SCHIP1: variants seen among roughly 807,000 people sequenced by gnomAD.
SCHIP1 encodes the protein schwannomin interacting protein 1, also known as schwannomin-interacting protein 1.
Under a neutral mutation model 29.7 loss-of-function variants are expected in SCHIP1, and 8 were observed. The observed-to-expected ratio is 0.27, with a 90% CI of 0.16 to 0.49. The LOEUF is 0.49. Ranked by LOEUF, SCHIP1 falls within the 20% of genes least tolerant of loss-of-function variation. The pLI is 0.99. For missense variants in SCHIP1, 193 were observed against 294.6 expected (o/e 0.66, Z 2.52); for synonymous variants, 76 against 94.9 (o/e 0.80, Z 1.16).
chr3:159,736,904 T>G, the SCHIP1 span, among the ~76,000 whole-genome samples: 2 of 151,784 alleles, frequency 1.3e-5, no homozygotes, highest in Non-Finnish European at 2.9e-5. Context: ...CCGGCTAATT[T>G]TTTGTATTTT....
chr3:159,527,225 T>G, the SCHIP1 span, among the ~76,000 whole-genome samples: 3 of 152,202 alleles, frequency 2.0e-5, no homozygotes, highest in Admixed American at 2.0e-4. Context: ...TATCAAAATC[T>G]TAATCCTTCT....
the SCHIP1 span, among the ~76,000 whole-genome samples, chr3:159,539,935 G>A: frequency 6.6e-6 from 1 of 152,054 alleles, no homozygotes; most frequent in Admixed American, 6.6e-5. Context: ...TTATTTTAGA[G>A]ACATGAGAAT....
the SCHIP1 span, among the ~76,000 whole-genome samples, chr3:159,376,869 C>G: frequency 6.6e-6 from 1 of 152,180 alleles, no homozygotes; most frequent in African/African-American, 2.4e-5. Flanking sequence ...GAAAAGCACG[C>G]TTTATAAGAA....
At chr3:159,668,429 TGTATAATACACA>T in the SCHIP1 span, among the ~76,000 whole-genome samples, 1 of 146,380 alleles carries the variant, frequency 6.8e-6, no homozygotes, top group Non-Finnish European at 1.5e-5. Context: ...GAGTCCCACA[TGTATAATACACA>T]GTAGGCATTC....
the SCHIP1 span, among the ~76,000 whole-genome samples, chr3:159,505,005 G>C: frequency 5.6e-4 from 86 of 152,268 alleles, no homozygotes; most frequent in African/African-American, 1.7e-3. Flanking sequence ...GATGAGGAGA[G>C]AGCAAAGAGT....
the SCHIP1 span, among the ~76,000 whole-genome samples, chr3:159,426,363 T>C: frequency 6.6e-6 from 1 of 152,018 alleles, no homozygotes; most frequent in Non-Finnish European, 1.5e-5. Flanking sequence ...TCACCACCGA[T>C]CCCACAGACA....
At chr3:159,691,934 C>A in the SCHIP1 span, among the ~76,000 whole-genome samples, 1 of 151,262 alleles carries the variant, frequency 6.6e-6, no homozygotes, top group South Asian at 2.1e-4. Context: ...GGCCTCCACT[C>A]TCTTCTGGCT....
At chr3:159,737,252 C>T in the SCHIP1 span, among the ~76,000 whole-genome samples, 1 of 152,188 alleles carries the variant, frequency 6.6e-6, no homozygotes, top group South Asian at 2.1e-4. Flanking sequence ...TCCTGCTTGC[C>T]CCTCTGATGC....
At chr3:159,535,818 T>C in the SCHIP1 span, among the ~76,000 whole-genome samples, 2 of 152,174 alleles carry the variant, frequency 1.3e-5, no homozygotes, top group Admixed American at 1.3e-4. Context: ...ATATTATTTG[T>C]GTGTGTGTCT....
chr3:159,492,189 A>C, the SCHIP1 span, among the ~76,000 whole-genome samples: 13 of 152,202 alleles, frequency 8.5e-5, no homozygotes, highest in African/African-American at 3.1e-4. Context: ...TAAAAATCAG[A>C]GCGCCTCTCC....
At chr3:159,655,610 C>T in the SCHIP1 span, among the ~76,000 whole-genome samples, 2 of 152,282 alleles carry the variant, frequency 1.3e-5, no homozygotes, top group East Asian at 3.9e-4. Flanking sequence ...AAACAGCAGG[C>T]CGAGCGTGGT....
the SCHIP1 span, among the ~76,000 whole-genome samples, chr3:159,336,420 A>T: frequency 6.6e-6 from 1 of 152,188 alleles, no homozygotes; most frequent in Non-Finnish European, 1.5e-5. Context: ...GTCCTAGCCC[A>T]TGCCTATGTC....
the SCHIP1 span, among the ~76,000 whole-genome samples, chr3:159,553,967 C>CGTGTGTGT: frequency 1.7e-3 from 202 of 115,786 alleles, no homozygotes; most frequent in East Asian, 4.9e-3. Flanking sequence ...CGCCCAGCTA[C>CGTGTGTGT]GTGTGTGTGT....
chr3:159,338,140 T>G, the SCHIP1 span, among the ~76,000 whole-genome samples: 1 of 152,192 alleles, frequency 6.6e-6, no homozygotes, highest in Non-Finnish European at 1.5e-5. Flanking sequence ...ACACAAATGC[T>G]TGCCTTTACA....
the SCHIP1 span, among the ~76,000 whole-genome samples, chr3:159,560,409 C>T: frequency 3.9e-5 from 6 of 152,064 alleles, no homozygotes; most frequent in African/African-American, 7.2e-5. Flanking sequence ...TGTGGCTTTC[C>T]GACCCATTGT....
At chr3:159,772,796 A>C in the SCHIP1 span, among the ~76,000 whole-genome samples, 1 of 152,190 alleles carries the variant, frequency 6.6e-6, no homozygotes, top group Admixed American at 6.5e-5. Flanking sequence ...GCTGGAGTAC[A>C]GTGGCGCAAT....
intron 2 of SCHIP1, among the ~76,000 whole-genome samples, chr3:159,880,614 A>G (rs1249187485): frequency 2.0e-5 from 3 of 152,236 alleles, no homozygotes; most frequent in Non-Finnish European, 4.4e-5. Flanking sequence ...AAAGCAATAG[A>G]GAATACTGGG....
the SCHIP1 span, among the ~76,000 whole-genome samples, chr3:159,737,643 A>G: frequency 6.6e-6 from 1 of 152,250 alleles, no homozygotes; most frequent in Non-Finnish European, 1.5e-5. Flanking sequence ...CATTAAACAG[A>G]AAGAGGTTAA....
At chr3:159,857,241 T>C (rs1432829014) in intron 1 of SCHIP1, among the ~76,000 whole-genome samples, 2 of 152,202 alleles carry the variant, frequency 1.3e-5, no homozygotes, top group East Asian at 3.8e-4. Flanking sequence ...GTAACTAGAA[T>C]TTCCGGTGAA....
Sources: gnomAD v4.1 joint callset for allele counts (sites outside exome capture counted in the v4.1 genomes callset) on GRCh38, gnomAD v4.1.1 for gene constraint, MANE v1.5 for transcripts, NCBI Gene and HGNC (gene_info 2026-07-23, HGNC 2026-07-21) for gene names.